CRIM1: variants seen among roughly 807,000 people sequenced by gnomAD.
CRIM1 encodes cysteine-rich motor neuron 1 protein.
In CRIM1, 32 loss-of-function variants were observed where a neutral mutation model predicts 116.4. The observed-to-expected ratio is 0.27, with a 90% CI of 0.21 to 0.37. CRIM1 has a LOEUF of 0.37. Among genes scored for constraint, CRIM1 ranks in the 10% least tolerant of loss-of-function variants. The probability of loss-of-function intolerance (pLI) is 1.00; values close to 1 mark genes in which losing one functional copy is unlikely to be tolerated. For missense variants in CRIM1, 1,331 were observed against 1,354.8 expected (o/e 0.98, Z 0.28); for synonymous variants, 590 against 509.2 (o/e 1.16, Z -2.13).
At chr2:36,420,093 C>A (rs902177854) in intron 2 of CRIM1, among the ~76,000 whole-genome samples, 1 of 152,158 alleles carries the variant, frequency 6.6e-6, no homozygotes, top group African/African-American at 2.4e-5. Flanking sequence ...ATTTCCCCCT[C>A]CCAACTTCCT....
chr2:36,448,949 CAT>C (rs1252228773), intron 4 of CRIM1, among the ~76,000 whole-genome samples: 1 of 151,978 alleles, frequency 6.6e-6, no homozygotes, highest in South Asian at 2.1e-4. Context: ...ATATCTGGAA[CAT>C]GTGTATCTCT....
At position 36,435,582 on chromosome 2, in the gene CRIM1, G is replaced by A. The variant is rs183417906; in HGVS notation, c.506-5676G>A. On this transcript the variant is annotated intron_variant, in intron 2 of 16. Coordinates refer to ENST00000280527, the MANE Select transcript of CRIM1 (RefSeq NM_016441.3). ...AAGCTCTTGCATGCATTTGCTTCTC[G>A]TAGATCATGATTGTATTAGGTTGGT... Among the ~76,000 whole-genome samples the A allele has an allele frequency of 2.1e-3, 321 of 150,530 alleles. 3 individuals carry two copies. Among genetic ancestry groups the A allele is most frequent in the African/African-American group, 7.5e-3 (308 of 41,120 alleles).
intron 7 of CRIM1, among the ~76,000 whole-genome samples, chr2:36,485,417 A>C (rs1032568294): frequency 6.6e-6 from 1 of 152,166 alleles, no homozygotes; most frequent in African/African-American, 2.4e-5. Flanking sequence ...TGAGCTGTCA[A>C]ATATATTGTC....
chr2:36,548,065 C>A (rs1667475102), intron 16 of CRIM1, among the ~76,000 whole-genome samples: 1 of 152,068 alleles, frequency 6.6e-6, no homozygotes, highest in Non-Finnish European at 1.5e-5. Flanking sequence ...TGCCAGTGTC[C>A]AAAGCTGGGA....
chr2:36,510,548 C>T (rs1282397593), intron 9 of CRIM1, among the ~76,000 whole-genome samples: 3 of 152,218 alleles, frequency 2.0e-5, no homozygotes, highest in African/African-American at 7.2e-5. Context: ...ACCGACCCCC[C>T]ACTCACTTGA....
In CRIM1 at chr2:36,441,423, C is replaced by T. The variant is rs767692280; in HGVS notation, c.671C>T (p.Pro224Leu). Residue 224 changes from proline (P) to leucine (L), a missense_variant, in exon 3 of 17, where the codon CCG becomes CTG. Coordinates refer to ENST00000280527, the MANE Select transcript of CRIM1 (RefSeq NM_016441.3). ...PAGCLRKVCQ[P>L]GNLNILVSKA... Reference sequence around the variant, plus strand: ...GGCTGTCTGCGCAAAGTCTGCCAGCCGGGAAACCTGAACATACTAGTGTCA... The same window carrying T: ...GGCTGTCTGCGCAAAGTCTGCCAGCTGGGAAACCTGAACATACTAGTGTCA... 5 of 1,614,094 alleles carry T rather than the reference C, an allele frequency of 3.1e-6. No homozygotes were observed. The highest frequency in any genetic ancestry group is 1.1e-5 in the South Asian group (1 of 91,078).
intron 16 of CRIM1, 117 bp from the exon 17 acceptor site, chr2:36,548,408 C>G: frequency 3.0e-6 from 2 of 663,132 alleles, no homozygotes; most frequent in Non-Finnish European, 5.0e-6. Flanking sequence ...TACAGGCTAT[C>G]AATCAATGAA....
At chr2:36,519,369 T>G (rs1043670472) in intron 12 of CRIM1, among the ~76,000 whole-genome samples, 4 of 152,224 alleles carry the variant, frequency 2.6e-5, no homozygotes, top group Non-Finnish European at 4.4e-5. Flanking sequence ...CAACCCCTCA[T>G]GTGCCTGGCT....
intron 1 of CRIM1, among the ~76,000 whole-genome samples, chr2:36,389,527 G>A (rs774548075): frequency 9.2e-5 from 14 of 152,154 alleles, no homozygotes; most frequent in East Asian, 3.8e-4. Flanking sequence ...GAGCTTCTGC[G>A]TGTGTACTGT....
intron 4 of CRIM1, among the ~76,000 whole-genome samples, chr2:36,443,445 T>C (rs1676011086): frequency 6.6e-6 from 1 of 152,222 alleles, no homozygotes; most frequent in Non-Finnish European, 1.5e-5. Flanking sequence ...GTTTACAGTC[T>C]GTTTTCCCCC....
At chr2:36,505,926 C>T (rs2125098422) in intron 8 of CRIM1, among the ~76,000 whole-genome samples, 1 of 152,250 alleles carries the variant, frequency 6.6e-6, no homozygotes, top group Middle Eastern at 3.4e-3. Flanking sequence ...ACGCTGTTGT[C>T]CTGCAGTGTT....
intron 4 of CRIM1, among the ~76,000 whole-genome samples, chr2:36,456,565 G>A (rs1017154): frequency 0.47 from 72,047 of 151,964 alleles, 18,572 homozygotes; most frequent in African/African-American, 0.7. Context: ...CCTACCAGCC[G>A]TGAAAGCAGA....
At chr2:36,491,508 AGATACAGCCTCTTAG>A (rs1208208330) in intron 7 of CRIM1, among the ~76,000 whole-genome samples, 2 of 152,206 alleles carry the variant, frequency 1.3e-5, no homozygotes, top group Non-Finnish European at 1.5e-5. Flanking sequence ...AGAAAATTAG[AGATACAGCCTCTTAG>A]GACAATTTTG....
intron 2 of CRIM1, among the ~76,000 whole-genome samples, chr2:36,410,402 A>G (rs900642836): frequency 1.2e-4 from 18 of 152,166 alleles, no homozygotes; most frequent in African/African-American, 3.9e-4. Context: ...TTTTCTTAAT[A>G]TATCCATTTA....
intron 2 of CRIM1, among the ~76,000 whole-genome samples, chr2:36,428,902 C>A (rs180974221): frequency 6.6e-6 from 1 of 152,306 alleles, no homozygotes; most frequent in East Asian, 1.9e-4. Context: ...GATACAGTCA[C>A]CCAGAATAAA....
At chr2:36,513,884 C>A in intron 11 of CRIM1, 119 bp downstream of exon 11, 2 of 827,254 alleles carry the variant, frequency 2.4e-6, no homozygotes, top group South Asian at 3.3e-5. Context: ...CACTTTTCAG[C>A]ACTGTGTGGT....
At chr2:36,405,242 C>G (rs983589758) in intron 2 of CRIM1, among the ~76,000 whole-genome samples, 4 of 152,114 alleles carry the variant, frequency 2.6e-5, no homozygotes, top group Admixed American at 1.3e-4. Flanking sequence ...TCTGGTGGAG[C>G]TGGGAGTATT....
At chr2:36,429,511 A>T (rs1461267640) in intron 2 of CRIM1, among the ~76,000 whole-genome samples, 1 of 152,172 alleles carries the variant, frequency 6.6e-6, no homozygotes, top group African/African-American at 2.4e-5. Flanking sequence ...GCTCTTGTTC[A>T]GGTCCATCAA....
chr2:36,479,401 G>A (rs1024637044), intron 6 of CRIM1, 96 bp from the exon 7 acceptor site: 2 of 1,210,326 alleles, frequency 1.7e-6, no homozygotes, highest in Non-Finnish European at 2.4e-6. Flanking sequence ...TAGAACTGCT[G>A]ATGACTAGAA....
Sources: gnomAD v4.1 joint callset for allele counts (sites outside exome capture counted in the v4.1 genomes callset) on GRCh38, gnomAD v4.1.1 for gene constraint, MANE v1.5 for transcripts, NCBI Gene and HGNC (gene_info 2026-07-23, HGNC 2026-07-21) for gene names.